The following CCDC141 variants were observed in gnomAD, a reference collection of about 807,000 sequenced individuals.
The protein encoded by CCDC141 is coiled-coil domain-containing protein 141.
CCDC141 carries 168 observed loss-of-function variants against 181.0 expected under a neutral mutation model. The ratio of observed to expected loss-of-function variants is 0.93; its 90% CI spans 0.82 to 1.05. CCDC141 has a LOEUF of 1.05. Among genes scored for constraint, CCDC141 ranks in the 50% least tolerant of loss-of-function variants. The pLI, the probability that CCDC141 is intolerant of heterozygous loss-of-function variation, is 0.00. For synonymous variants in CCDC141, 666 were observed against 642.3 expected (o/e 1.04, Z -0.56); for missense variants, 1,902 against 1,788.5 (o/e 1.06, Z -1.14).
chr2:179,036,008 T>C (rs2043135037), intron 2 of CCDC141, among the ~76,000 whole-genome samples: 1 of 152,176 alleles, frequency 6.6e-6, no homozygotes, highest in African/African-American at 2.4e-5. Context: ...CTTGCAGAAA[T>C]ATGGAGGACA....
At chr2:178,908,066 T>C (rs1225909847) in intron 7 of CCDC141, among the ~76,000 whole-genome samples, 1 of 152,130 alleles carries the variant, frequency 6.6e-6, no homozygotes, top group Non-Finnish European at 1.5e-5. Context: ...ACTTTCCCTA[T>C]CCTTCCATAA....
chr2:178,908,273 C>A (rs1688067640), intron 7 of CCDC141, among the ~76,000 whole-genome samples: 1 of 152,180 alleles, frequency 6.6e-6, no homozygotes, highest in Non-Finnish European at 1.5e-5. Flanking sequence ...CAGCTCACTG[C>A]AACCTCCGCC....
chr2:178,910,060 G>A (rs1256571239), intron 7 of CCDC141, among the ~76,000 whole-genome samples: 1 of 152,164 alleles, frequency 6.6e-6, no homozygotes, highest in East Asian at 1.9e-4. Context: ...AAAGACTAAG[G>A]AGTTGCTTGG....
At chr2:178,985,944 G>A (rs1691708920) in intron 2 of CCDC141, among the ~76,000 whole-genome samples, 1 of 152,084 alleles carries the variant, frequency 6.6e-6, no homozygotes, top group Admixed American at 6.5e-5. Flanking sequence ...AGAAAAAGAG[G>A]GAATCCACCC....
At chr2:179,042,359 T>C (rs1363427158) in intron 2 of CCDC141, among the ~76,000 whole-genome samples, 1 of 152,156 alleles carries the variant, frequency 6.6e-6, no homozygotes, top group Non-Finnish European at 1.5e-5. Context: ...AAGAAATTCT[T>C]TTTTTTGACA....
chr2:178,858,580 G>C (rs901500411), intron 17 of CCDC141, among the ~76,000 whole-genome samples: 1 of 152,094 alleles, frequency 6.6e-6, no homozygotes, highest in South Asian at 2.1e-4. Flanking sequence ...ACAACAATGT[G>C]AATGTACTTA....
At chr2:178,926,895 C>T (rs760716285) in intron 6 of CCDC141, among the ~76,000 whole-genome samples, 1 of 151,878 alleles carries the variant, frequency 6.6e-6, no homozygotes, top group Non-Finnish European at 1.5e-5. Context: ...CACTATGTAC[C>T]CCATAAATAT....
At chr2:179,035,619 T>C (rs904937655) in intron 2 of CCDC141, among the ~76,000 whole-genome samples, 1 of 152,186 alleles carries the variant, frequency 6.6e-6, no homozygotes, top group Admixed American at 6.5e-5. Context: ...TGACTGGAAG[T>C]TGATTGACTG....
chr2:179,022,351 A>G (rs543470010), intron 2 of CCDC141, among the ~76,000 whole-genome samples: 1 of 152,330 alleles, frequency 6.6e-6, no homozygotes, highest in South Asian at 2.1e-4. Flanking sequence ...GACTTGATGA[A>G]AGCTAGAACA....
chr2:178,905,479 A>C lies in CCDC141; in HGVS notation c.1115T>G (p.Val372Gly), dbSNP rs1343811628. 1 of 1,549,318 alleles carries C rather than the reference A, an allele frequency of 6.5e-7. No individual in the cohort carries two copies. The highest frequency in any genetic ancestry group is 1.4e-5 in the African/African-American group (1 of 72,946). Residue 372 changes from valine to glycine, a missense_variant, in exon 8 of 24, where the codon GTT becomes GGT. Val to Gly is a moderately radical substitution (Grantham distance 109, BLOSUM62 -3). Coordinates refer to ENST00000443758, the MANE Select transcript of CCDC141 (RefSeq NM_173648.4). ...TTTAAGGAGCTTAAGGTAAGCTTCA[A>C]CTCTTCCAAGTACATCAAATGCCTG... ...ANKAFDVLGR[V>G]EAYLKLLKSE...
At chr2:178,955,750 G>A (rs945785070) in intron 5 of CCDC141, among the ~76,000 whole-genome samples, 1 of 152,070 alleles carries the variant, frequency 6.6e-6, no homozygotes, top group South Asian at 2.1e-4. Flanking sequence ...CTTGGAGGGT[G>A]ATGTCTACAT....
chr2:178,840,176 T>C (rs1193182213), intron 22 of CCDC141, among the ~76,000 whole-genome samples: 1 of 152,184 alleles, frequency 6.6e-6, no homozygotes, highest in Non-Finnish European at 1.5e-5. Context: ...TCTAAGCCTC[T>C]TTCTCTGTAC....
chr2:178,982,647 C>T (rs1559025735), intron 2 of CCDC141, among the ~76,000 whole-genome samples: 2 of 152,180 alleles, frequency 1.3e-5, no homozygotes, highest in Admixed American at 6.5e-5. Context: ...GCACTGCCTC[C>T]CTCGGGAAGC....
chr2:178,978,416 A>T, intron 3 of CCDC141, 68 bp downstream of exon 3: 1 of 1,042,200 alleles, frequency 9.6e-7, no homozygotes, highest in African/African-American at 1.7e-5. Context: ...GTGAAAAAAT[A>T]AACATTTTCA....
At chr2:178,986,076 C>T (rs1052813841) in intron 2 of CCDC141, among the ~76,000 whole-genome samples, 2 of 152,150 alleles carry the variant, frequency 1.3e-5, no homozygotes, top group Admixed American at 6.5e-5. Context: ...CAATAAAATA[C>T]TGGCAAACCG....
intron 2 of CCDC141, among the ~76,000 whole-genome samples, chr2:179,040,490 C>A (rs561310464): frequency 5.3e-5 from 8 of 152,310 alleles, no homozygotes; most frequent in Admixed American, 1.3e-4. Flanking sequence ...CAAGTATTAA[C>A]CCTAGTATCC....
intron 2 of CCDC141, among the ~76,000 whole-genome samples, chr2:178,982,865 C>T (rs1053625414): frequency 1.3e-4 from 20 of 152,312 alleles, no homozygotes; most frequent in Admixed American, 3.9e-4. Flanking sequence ...GATCAAACTG[C>T]AAGGCGGCAG....
chr2:178,892,296 T>A (rs1687193957), intron 8 of CCDC141, among the ~76,000 whole-genome samples: 1 of 152,200 alleles, frequency 6.6e-6, no homozygotes, highest in African/African-American at 2.4e-5. Context: ...CCATTGCCCG[T>A]CCTGTGTGTA....
intron 23 of CCDC141, among the ~76,000 whole-genome samples, chr2:178,835,282 A>C (rs935160017): frequency 8.5e-5 from 13 of 152,132 alleles, no homozygotes; most frequent in African/African-American, 3.1e-4. Flanking sequence ...ACTTCATTTA[A>C]TTTTTTTGAA....
Sources: allele counts gnomAD v4.1 joint callset (sites outside exome capture counted in the v4.1 genomes callset), GRCh38; gene constraint gnomAD v4.1.1; transcripts MANE v1.5; gene names NCBI Gene and HGNC (gene_info 2026-07-23, HGNC 2026-07-21).